The following CRTC3 variants were observed in gnomAD, a reference collection of about 807,000 sequenced individuals.
CRTC3 encodes CREB-regulated transcription coactivator 3.
A neutral mutation model predicts 74.5 loss-of-function variants in CRTC3; 26 were observed. The ratio of observed to expected loss-of-function variants is 0.35; its 90% CI spans 0.26 to 0.48. The LOEUF (loss-of-function observed/expected upper bound fraction) is 0.48, where lower values mean the gene tolerates loss of function less well. Ranked by LOEUF, CRTC3 falls within the 20% of genes least tolerant of loss-of-function variation. The probability of loss-of-function intolerance (pLI) is 0.99; values close to 1 mark genes in which losing one functional copy is unlikely to be tolerated. For missense variants in CRTC3, 760 were observed against 787.3 expected (o/e 0.97, Z 0.41); for synonymous variants, 377 against 325.8 (o/e 1.16, Z -1.69).
chr15:90,553,609 C>T (rs945368936), intron 2 of CRTC3, among the ~76,000 whole-genome samples: 1 of 152,160 alleles, frequency 6.6e-6, no homozygotes, highest in Admixed American at 6.6e-5. Context: ...GTCCCACACA[C>T]TGAATTAGGA....
chr15:90,632,860 G>A (rs924387901), intron 11 of CRTC3, among the ~76,000 whole-genome samples: 8 of 152,142 alleles, frequency 5.3e-5, no homozygotes, highest in African/African-American at 1.2e-4. Flanking sequence ...CCGCCTCGGC[G>A]TCCCAAAGTG....
At chr15:90,563,497 G>T (rs528645341) in intron 2 of CRTC3, among the ~76,000 whole-genome samples, 2 of 152,026 alleles carry the variant, frequency 1.3e-5, no homozygotes, top group Admixed American at 1.3e-4. Context: ...GCAGAGAGAA[G>T]AATATTAAAG....
At chr15:90,567,101 C>T (rs562242709) in intron 2 of CRTC3, among the ~76,000 whole-genome samples, 2 of 152,164 alleles carry the variant, frequency 1.3e-5, no homozygotes, top group Non-Finnish European at 2.9e-5. Context: ...AAGGACACTT[C>T]GATTCTGTTG....
At chr15:90,576,678 G>A (rs1175821546) in intron 2 of CRTC3, among the ~76,000 whole-genome samples, 5 of 152,138 alleles carry the variant, frequency 3.3e-5, no homozygotes, top group Non-Finnish European at 7.4e-5. Context: ...AAAATGGGAC[G>A]GCATGGAGCC....
At chr15:90,639,997 T>C (rs1380254206) in intron 13 of CRTC3, among the ~76,000 whole-genome samples, 1 of 151,880 alleles carries the variant, frequency 6.6e-6, no homozygotes, top group East Asian at 2.0e-4. Flanking sequence ...TGCAGTGAGC[T>C]GAGATCGCAC....
intron 7 of CRTC3, among the ~76,000 whole-genome samples, chr15:90,616,971 G>T (rs758671367): frequency 2.0e-5 from 3 of 151,996 alleles, no homozygotes; most frequent in Admixed American, 1.3e-4. Context: ...CCATTTCATC[G>T]TTGTTGCAGG....
rs1221363412 is a variant in CRTC3 at position 90,530,131 on chromosome 15, G to A, written c.60G>A (p.Ala20=). The change falls in exon 1 of 15, where the codon GCG becomes GCA. Residue 20 remains alanine, a synonymous_variant. Transcript: ENST00000268184. The surrounding 1 kb of genome is among the most constrained non-coding windows in gnomAD (Gnocchi z 6.2). ...CGCGGAAGTTCAGTGAGAAGATCGCGCTGCACACGCAGAGACAGGCCGAGG... is the reference window on the plus strand; with the variant it reads ...CGCGGAAGTTCAGTGAGAAGATCGCACTGCACACGCAGAGACAGGCCGAGG... ...ANPRKFSEKI[A]LHTQRQAEET... is the part of the protein sequence containing the mutation. 2 of 1,460,026 alleles carry A rather than the reference G, an allele frequency of 1.4e-6. No homozygotes were observed. The highest frequency in any genetic ancestry group is 1.8e-6 in the Non-Finnish European group (2 of 1,091,218). 90.4% of individuals were successfully genotyped at this position (1,460,026 alleles called of 1,614,324 possible).
intron 9 of CRTC3, among the ~76,000 whole-genome samples, chr15:90,623,527 C>T (rs1968722824): frequency 6.6e-6 from 1 of 152,184 alleles, no homozygotes; most frequent in Non-Finnish European, 1.5e-5. Context: ...TTGAGTCCTA[C>T]TTCCCTGTCT....
At chr15:90,540,715 G>A (rs562544909) in intron 2 of CRTC3, among the ~76,000 whole-genome samples, 5 of 152,160 alleles carry the variant, frequency 3.3e-5, no homozygotes, top group Non-Finnish European at 5.9e-5. Context: ...GGAGGGTGCA[G>A]TGAGCAGAGA....
rs1969555525 is a variant in CRTC3 at position 90,644,392 on chromosome 15, C to T, written c.*2252C>T. The T allele has an allele frequency of 1.3e-5, 3 of 231,004 alleles. No homozygotes were observed. The highest frequency in any genetic ancestry group is 1.1e-4 in the Admixed American group (2 of 17,714). The allele number at this position is 231,004 out of a possible 1,614,324, so 14.3% of individuals were successfully genotyped here. A position where few individuals can be genotyped will look rare whatever the true frequency, so the allele number is the denominator to read the frequency against. ...TAAAACAGAGGTCTCAGCATAGTCA[C>T]TCTTCACATAGTGCCTTACCCATGG... On this transcript the variant is annotated 3_prime_UTR_variant, in exon 15 of 15. Transcript: ENST00000268184.
At chr15:90,614,509 C>T in intron 7 of CRTC3, 21 bp downstream of exon 7, 1 of 1,548,658 alleles carries the variant, frequency 6.5e-7, no homozygotes, top group Non-Finnish European at 8.9e-7. Flanking sequence ...ATTTTACCTA[C>T]CTATATTGGA....
At chr15:90,568,955 A>G (rs1466023628) in intron 2 of CRTC3, among the ~76,000 whole-genome samples, 1 of 152,092 alleles carries the variant, frequency 6.6e-6, no homozygotes, top group Non-Finnish European at 1.5e-5. Flanking sequence ...TTGCACACTT[A>G]ATAGACTACA....
chr15:90,585,254 C>T (rs1596102322), intron 2 of CRTC3, among the ~76,000 whole-genome samples: 1 of 152,302 alleles, frequency 6.6e-6, no homozygotes, highest in Admixed American at 6.5e-5. Flanking sequence ...AAGGGATCTT[C>T]CCACCTCAGC....
intron 11 of CRTC3, among the ~76,000 whole-genome samples, chr15:90,636,881 A>C (rs537672036): frequency 0.02 from 3,024 of 152,272 alleles, 117 homozygotes; most frequent in African/African-American, 0.069. Flanking sequence ...TTAGAATGGC[A>C]ATCATTAAAA....
In CRTC3 at chr15:90,638,786, A is replaced by G. The variant is rs369216373; in HGVS notation, c.1519A>G (p.Met507Val). ...AGATGTGGGTTTTGACCAGCAGTCC[A>G]TGAGGCCAGGCCCTGCCTTTCCTCA... Reference protein sequence around the residue: ...FPDVGFDQQSMRPGPAFPQQV... With the variant: ...FPDVGFDQQSVRPGPAFPQQV... Residue 507 changes from methionine to valine, a missense_variant, in exon 13 of 15, where the codon ATG becomes GTG. Met to Val is a conservative substitution (Grantham distance 21). Coordinates refer to ENST00000268184, the MANE Select transcript of CRTC3 (RefSeq NM_022769.5). 9 of 1,614,048 alleles carry G rather than the reference A, an allele frequency of 5.6e-6. No individual in the cohort carries two copies. In the African/African-American group the frequency reaches 6.7e-5, roughly 12 times the overall value.
chr15:90,609,551 A>G (rs1312461600), intron 6 of CRTC3, among the ~76,000 whole-genome samples: 1 of 152,208 alleles, frequency 6.6e-6, no homozygotes, highest in Non-Finnish European at 1.5e-5. Context: ...CCCTCTGCAA[A>G]GTTTACACTT....
intron 2 of CRTC3, among the ~76,000 whole-genome samples, chr15:90,587,876 A>G (rs894348595): frequency 7.3e-5 from 11 of 151,722 alleles, no homozygotes; most frequent in African/African-American, 2.7e-4. Flanking sequence ...AGCCTCCCAA[A>G]GTGCTGGGAT....
chr15:90,608,451 CCT>C (rs1190670072), intron 6 of CRTC3, among the ~76,000 whole-genome samples: 1 of 151,998 alleles, frequency 6.6e-6, no homozygotes, highest in Non-Finnish European at 1.5e-5. Context: ...CCTGTCTCTT[CCT>C]CTCTCTCTCA....
intron 2 of CRTC3, among the ~76,000 whole-genome samples, chr15:90,577,753 T>A (rs901622701): frequency 6.6e-6 from 1 of 152,182 alleles, no homozygotes; most frequent in African/African-American, 2.4e-5. Context: ...GGAGGCCATT[T>A]ATGTTAAGTG....
Sources: allele counts gnomAD v4.1 joint callset (sites outside exome capture counted in the v4.1 genomes callset), GRCh38; gene constraint gnomAD v4.1.1; non-coding constraint Gnocchi (gnomAD v3.1); transcripts MANE v1.5; gene names NCBI Gene and HGNC (gene_info 2026-07-23, HGNC 2026-07-21).